PPFIA2: variants seen among roughly 807,000 people sequenced by gnomAD.
The protein encoded by PPFIA2 is PPFI scaffold protein A2.
In PPFIA2, 46 loss-of-function variants were observed where a neutral mutation model predicts 175.5. The observed-to-expected ratio is 0.26, with a 90% CI of 0.21 to 0.34. The LOEUF is 0.34. Among genes scored for constraint, PPFIA2 ranks in the 10% least tolerant of loss-of-function variants. The probability of loss-of-function intolerance (pLI) is 1.00; values close to 1 mark genes in which losing one functional copy is unlikely to be tolerated. For missense variants in PPFIA2, 1,179 were observed against 1,506.1 expected, an observed-to-expected ratio of 0.78 and a Z score of 3.60; for synonymous variants, 568 against 511.4, an observed-to-expected ratio of 1.11 and a Z score of -1.49.
Position 81,452,331 on chromosome 12 carries a change from A to T in PPFIA2, c.405+5434T>A, listed in dbSNP as rs74879799. On this transcript the variant is annotated intron_variant, in intron 5 of 32. Coordinates refer to ENST00000549396, the MANE Select transcript of PPFIA2 (RefSeq NM_003625.5). The stretch of plus-strand genomic sequence containing the variant: ...ATAAATGGCACTGAAACAGAAACAC[A>T]TTCTTCCCTGTAGACTAATGTGGCT... 2.8e-3 allele frequency among the ~76,000 whole-genome samples: 428 copies of T among 152,324 alleles called. 2 individuals are homozygous for T. Among genetic ancestry groups the T allele is most frequent in the African/African-American group, 9.7e-3 (404 of 41,568 alleles).
chr12:81,697,304 G>A (rs1168348310), intron 3 of PPFIA2, among the ~76,000 whole-genome samples: 4 of 151,986 alleles, frequency 2.6e-5, no homozygotes, highest in Admixed American at 2.6e-4. Context: ...CACACAGTAT[G>A]AGAAATTACA....
At chr12:81,330,875 G>A (rs948468750) in intron 21 of PPFIA2, among the ~76,000 whole-genome samples, 4 of 152,220 alleles carry the variant, frequency 2.6e-5, no homozygotes, top group African/African-American at 7.2e-5. Flanking sequence ...TCCGGAGACT[G>A]TATCTATACA....
intron 3 of PPFIA2, among the ~76,000 whole-genome samples, chr12:81,732,037 A>C (rs2080980412): frequency 6.6e-6 from 1 of 151,614 alleles, no homozygotes; most frequent in Non-Finnish European, 1.5e-5. Flanking sequence ...TATGAGAAAC[A>C]CATGTGAATA....
At position 81,498,995 on chromosome 12, in the gene PPFIA2, A is replaced by G. The variant is rs149495612; in HGVS notation, c.304-41129T>C. Among the ~76,000 whole-genome samples the G allele has an allele frequency of 2.1e-3, 326 of 152,350 alleles. 1 individual carries two copies. The highest frequency in any genetic ancestry group is 3.8e-3 in the Non-Finnish European group (257 of 68,038). ...AGAAAAGAACTGTGCATCAAGCAAT[A>G]GAAAAAAAATCAATATTCTGTTTTT... On this transcript the variant is annotated intron_variant, in intron 4 of 32. Coordinates refer to ENST00000549396, the MANE Select transcript of PPFIA2 (RefSeq NM_003625.5).
At chr12:81,294,451 A>T (rs1159899179) in intron 24 of PPFIA2, 24 of 155,030 alleles carry the variant, frequency 1.5e-4, no homozygotes, top group South Asian at 6.1e-4. Context: ...GGAAGGAAGG[A>T]AGGAAGGAAG....
intron 4 of PPFIA2, among the ~76,000 whole-genome samples, chr12:81,581,806 A>G (rs938831700): frequency 5.9e-5 from 9 of 151,820 alleles, no homozygotes; most frequent in Non-Finnish European, 1.0e-4. Context: ...TCATTCTGAT[A>G]CATTTTTATT....
intron 5 of PPFIA2, among the ~76,000 whole-genome samples, chr12:81,447,933 CAT>C (rs2051625916): frequency 6.6e-6 from 1 of 152,086 alleles, no homozygotes; most frequent in African/African-American, 2.4e-5. Flanking sequence ...GGCTAATTAA[CAT>C]TATTATGTAC....
chr12:81,696,202 T>G (rs902164404), intron 3 of PPFIA2, among the ~76,000 whole-genome samples: 1 of 152,176 alleles, frequency 6.6e-6, no homozygotes, highest in South Asian at 2.1e-4. Context: ...GGTAAATGTG[T>G]ACACACAGCA....
At chr12:81,744,287 G>C (rs563710501) in intron 3 of PPFIA2, among the ~76,000 whole-genome samples, 1 of 152,176 alleles carries the variant, frequency 6.6e-6, no homozygotes, top group South Asian at 2.1e-4. Context: ...ATAAATATTA[G>C]ACTGGGGATC....
chr12:81,623,982 T>G (rs2062376827), intron 4 of PPFIA2, among the ~76,000 whole-genome samples: 1 of 151,936 alleles, frequency 6.6e-6, no homozygotes, highest in African/African-American at 2.4e-5. Context: ...CCTGTTATAT[T>G]ATTTTGTACT....
chr12:81,361,374 C>T (rs1417795897), intron 15 of PPFIA2, among the ~76,000 whole-genome samples: 2 of 151,626 alleles, frequency 1.3e-5, no homozygotes, highest in African/African-American at 4.8e-5. Context: ...CATGTGAACA[C>T]ATAACATTGA....
intron 16 of PPFIA2, among the ~76,000 whole-genome samples, chr12:81,353,919 C>T (rs982639176): frequency 4.6e-5 from 7 of 152,288 alleles, no homozygotes; most frequent in Non-Finnish European, 8.8e-5. Flanking sequence ...TAGAGTCACA[C>T]AAATTTATTG....
intron 4 of PPFIA2, among the ~76,000 whole-genome samples, chr12:81,557,595 A>G (rs563957556): frequency 6.6e-5 from 10 of 152,178 alleles, no homozygotes; most frequent in Non-Finnish European, 1.5e-4. Flanking sequence ...CATTAAAGCT[A>G]TCAATTGTTC....
intron 8 of PPFIA2, among the ~76,000 whole-genome samples, chr12:81,391,879 T>C (rs2040192262): frequency 6.6e-6 from 1 of 151,832 alleles, no homozygotes; most frequent in East Asian, 1.9e-4. Context: ...AAGGAGACCA[T>C]TGTAGCTAGA....
intron 28 of PPFIA2, among the ~76,000 whole-genome samples, chr12:81,273,008 G>A (rs2039536764): frequency 6.6e-6 from 1 of 152,018 alleles, no homozygotes; most frequent in Admixed American, 6.6e-5. Context: ...ATCTGTTTAA[G>A]TTTACCCTAG....
Position 81,377,395 on chromosome 12 carries a change from C to T in PPFIA2, c.985-1453G>A, listed in dbSNP as rs2036610915. 2.6e-5 allele frequency among the ~76,000 whole-genome samples: 4 copies of T among 151,976 alleles called. 1 individual carries two copies. The highest frequency in any genetic ancestry group is 6.8e-3 in the Middle Eastern group (2 of 294). On this transcript the variant is annotated intron_variant, in intron 9 of 32. Coordinates refer to ENST00000549396, the MANE Select transcript of PPFIA2 (RefSeq NM_003625.5). Reference sequence around the variant, plus strand: ...TGAAATCCCGTCTCTACTAAAAATACAAAAAACTTAGCTGGGCATCATGGC... The same window carrying T: ...TGAAATCCCGTCTCTACTAAAAATATAAAAAACTTAGCTGGGCATCATGGC...
intron 22 of PPFIA2, among the ~76,000 whole-genome samples, chr12:81,314,726 A>T (rs2139301381): frequency 6.6e-6 from 1 of 152,094 alleles, no homozygotes; most frequent in African/African-American, 2.4e-5. Context: ...ACAATTCATT[A>T]AATGAGTTTT....
intron 4 of PPFIA2, among the ~76,000 whole-genome samples, chr12:81,546,860 T>G (rs1203688112): frequency 6.6e-6 from 1 of 152,092 alleles, no homozygotes; most frequent in Non-Finnish European, 1.5e-5. Context: ...GGATTTATGG[T>G]AAGTCGCAGC....
At chr12:81,588,841 T>C (rs1239032096) in intron 4 of PPFIA2, among the ~76,000 whole-genome samples, 3 of 152,076 alleles carry the variant, frequency 2.0e-5, no homozygotes, top group Non-Finnish European at 4.4e-5. Context: ...TCTAACCACC[T>C]GGACTGTACT....
Sources: allele counts gnomAD v4.1 joint callset (sites outside exome capture counted in the v4.1 genomes callset), GRCh38; gene constraint gnomAD v4.1.1; transcripts MANE v1.5; gene names NCBI Gene and HGNC (gene_info 2026-07-23, HGNC 2026-07-21).